SHANK2: variants seen among roughly 807,000 people sequenced by gnomAD.
SHANK2 encodes the protein SH3 and multiple ankyrin repeat domains protein 2.
In SHANK2, 43 loss-of-function variants were observed where a neutral mutation model predicts 133.7. The ratio of observed to expected loss-of-function variants is 0.32; its 90% CI spans 0.25 to 0.41. SHANK2 has a LOEUF of 0.41. Ranked by LOEUF, SHANK2 falls within the 10% of genes least tolerant of loss-of-function variation. The pLI is 1.00. For missense variants in SHANK2, 1,994 were observed against 2,235.8 expected (o/e 0.89, Z 2.18); for synonymous variants, 1,017 against 952.8 (o/e 1.07, Z -1.24).
At chr11:70,828,289 CA>C (rs1948676186) in intron 11 of SHANK2, among the ~76,000 whole-genome samples, 2 of 152,078 alleles carry the variant, frequency 1.3e-5, no homozygotes, top group South Asian at 4.2e-4. Flanking sequence ...CAAAAACAAA[CA>C]AAAAACCCCA....
chr11:70,595,289 G>A (rs1005053624), intron 17 of SHANK2, among the ~76,000 whole-genome samples: 6 of 152,218 alleles, frequency 3.9e-5, no homozygotes, highest in Non-Finnish European at 8.8e-5. Context: ...AAGCCCCGGT[G>A]CCAGTGCCAC....
chr11:71,059,097 A>G (rs1950957010), intron 9 of SHANK2, among the ~76,000 whole-genome samples: 2 of 152,164 alleles, frequency 1.3e-5, no homozygotes, highest in Non-Finnish European at 2.9e-5. Context: ...GGTGCCTGTA[A>G]TCCCAGCTAC....
chr11:70,583,876 C>T (rs2060215240), intron 17 of SHANK2, among the ~76,000 whole-genome samples: 1 of 152,212 alleles, frequency 6.6e-6, no homozygotes, highest in African/African-American at 2.4e-5. Context: ...GCCCAGTGGC[C>T]CACAGGTTCC....
chr11:71,201,063 G>C (rs1408278971), intron 2 of SHANK2, among the ~76,000 whole-genome samples: 1 of 152,092 alleles, frequency 6.6e-6, no homozygotes, highest in African/African-American at 2.4e-5. Flanking sequence ...CCATCAAAGA[G>C]ACAGACACGA....
chr11:70,926,316 C>T (rs558166595), intron 10 of SHANK2, among the ~76,000 whole-genome samples: 175 of 152,208 alleles, frequency 1.1e-3, no homozygotes, highest in African/African-American at 4.0e-3. Context: ...GAGGCTGAGG[C>T]GGGAGGATCA....
intron 14 of SHANK2, among the ~76,000 whole-genome samples, chr11:70,723,790 G>T (rs927444450): frequency 1.3e-5 from 2 of 152,220 alleles, no homozygotes; most frequent in African/African-American, 4.8e-5. Context: ...ACCTGAGGAA[G>T]AGGATGTAGA....
At position 70,617,568 on chromosome 11, in the gene SHANK2, C is replaced by T. The variant is rs536739181; in HGVS notation, c.2061+42260G>A. On this transcript the variant is annotated intron_variant, in intron 17 of 25. Coordinates refer to ENST00000601538, the MANE Select transcript of SHANK2 (RefSeq NM_012309.5). ...TAGGGGGCAGACGCAGCTGTCGCCA[C>T]GGGAAGCATAGGAACCCTCAGAACC... is the stretch of plus-strand genomic sequence containing the variant. Among the ~76,000 whole-genome samples the T allele has an allele frequency of 3.9e-5, 6 of 152,176 alleles. No individual in the cohort carries two copies. The South Asian group carries it at 8.3e-4, about 21-fold the overall frequency.
intron 3 of SHANK2, among the ~76,000 whole-genome samples, chr11:71,124,191 A>G (rs797037580): frequency 5.0e-5 from 4 of 79,268 alleles, no homozygotes; most frequent in African/African-American, 1.7e-4. Flanking sequence ...GATGATGGTG[A>G]TGGTGATGAT....
Position 70,882,155 on chromosome 11 carries a change from A to C in SHANK2, c.1174+14346T>G, listed in dbSNP as rs1477560619. On this transcript the variant is annotated intron_variant, in intron 11 of 25. Transcript: ENST00000601538. The surrounding 1 kb of genome is among the most constrained non-coding windows in gnomAD (Gnocchi z 4.2). Reference sequence around the variant, plus strand: ...CTGGCATGATGCTGGCAGGTGAGACAAACAGCATGGAGGAGGAGGAGGAGG... The same window carrying C: ...CTGGCATGATGCTGGCAGGTGAGACCAACAGCATGGAGGAGGAGGAGGAGG... Among the ~76,000 whole-genome samples the C allele has an allele frequency of 6.6e-6, 1 of 152,186 alleles. No homozygotes were observed. Among genetic ancestry groups the C allele is most frequent in the Non-Finnish European group, 1.5e-5 (1 of 68,040 alleles).
intron 3 of SHANK2, among the ~76,000 whole-genome samples, chr11:71,128,953 T>C (rs1231643329): frequency 4.6e-5 from 7 of 152,100 alleles, no homozygotes; most frequent in Admixed American, 1.3e-4. Context: ...CCCGGCTAAT[T>C]TTTGTATTTT....
intron 17 of SHANK2, among the ~76,000 whole-genome samples, chr11:70,550,980 C>T (rs1180242740): frequency 2.6e-5 from 4 of 152,174 alleles, no homozygotes; most frequent in Non-Finnish European, 5.9e-5. Flanking sequence ...AAACGCTCTC[C>T]AGGAAGGTCC....
chr11:71,088,974 T>C (rs1312407311), intron 8 of SHANK2, among the ~76,000 whole-genome samples: 2 of 115,930 alleles, frequency 1.7e-5, no homozygotes, highest in Non-Finnish European at 3.6e-5. Flanking sequence ...ACCAGGGGCC[T>C]CCCCTCATCC....
chr11:70,811,071 C>G lies in SHANK2; in HGVS notation c.1494-3900G>C, dbSNP rs77564786. On this transcript the variant is annotated intron_variant, in intron 12 of 25. Transcript: ENST00000601538. ...GTGGCTGCAGGTCAGGTCAGCCCAG[C>G]CCCATGATCAGTCCCCAAGCACCCG... is the stretch of plus-strand genomic sequence containing the variant. Among the ~76,000 whole-genome samples the G allele has an allele frequency of 4.1e-3, 626 of 152,266 alleles. 3 individuals carry two copies. Among genetic ancestry groups the G allele is most frequent in the African/African-American group, 0.014 (596 of 41,550 alleles).
At chr11:70,938,189 C>T (rs565202039) in intron 10 of SHANK2, among the ~76,000 whole-genome samples, 13 of 152,224 alleles carry the variant, frequency 8.5e-5, no homozygotes, top group African/African-American at 2.6e-4. Context: ...AAGGTCGGAA[C>T]GGAACCCAGA....
chr11:70,529,921 G>GT (rs1305723672), intron 17 of SHANK2, among the ~76,000 whole-genome samples: 12 of 152,260 alleles, frequency 7.9e-5, no homozygotes, highest in Non-Finnish European at 1.5e-4. Context: ...ACCACAGTTG[G>GT]TTTTTTTGCT....
intron 17 of SHANK2, among the ~76,000 whole-genome samples, chr11:70,625,200 G>A (rs924983995): frequency 1.3e-5 from 2 of 152,296 alleles, no homozygotes; most frequent in Middle Eastern, 3.4e-3. Context: ...GTCCTCCCTG[G>A]GAAAGTGGGG....
chr11:70,670,206 A>G (rs1200121707), intron 15 of SHANK2, among the ~76,000 whole-genome samples: 1 of 152,218 alleles, frequency 6.6e-6, no homozygotes, highest in Non-Finnish European at 1.5e-5. Flanking sequence ...CAGCTTCGCT[A>G]AATCATTCCT....
At chr11:71,141,277 G>A (rs564817174) in intron 3 of SHANK2, among the ~76,000 whole-genome samples, 63 of 152,146 alleles carry the variant, frequency 4.1e-4, no homozygotes, top group African/African-American at 1.4e-3. Flanking sequence ...CAGATCACCT[G>A]AGGTCAGGCG....
intron 6 of SHANK2, among the ~76,000 whole-genome samples, chr11:71,104,620 C>A (rs903323862): frequency 1.3e-5 from 2 of 152,176 alleles, no homozygotes; most frequent in Admixed American, 1.3e-4. Flanking sequence ...GCTGGAATTA[C>A]CCGCAGCTTC....
Sources: gnomAD v4.1 joint callset for allele counts (sites outside exome capture counted in the v4.1 genomes callset) on GRCh38, gnomAD v4.1.1 for gene constraint, Gnocchi (gnomAD v3.1) non-coding constraint, MANE v1.5 for transcripts, NCBI Gene and HGNC (gene_info 2026-07-23, HGNC 2026-07-21) for gene names.